Variants in PATJ observed in about 807,000 individuals in gnomAD.
PATJ encodes inaD-like protein.
In PATJ, 190 loss-of-function variants were observed where a neutral mutation model predicts 224.9. The ratio of observed to expected loss-of-function variants is 0.84; its 90% CI spans 0.75 to 0.95. The LOEUF (loss-of-function observed/expected upper bound fraction) is 0.95, where lower values mean the gene tolerates loss of function less well. Among genes scored for constraint, PATJ ranks in the 40% least tolerant of loss-of-function variants. The probability of loss-of-function intolerance (pLI) is 0.00; values close to 1 mark genes in which losing one functional copy is unlikely to be tolerated. For synonymous variants in PATJ, 769 were observed against 820.3 expected (o/e 0.94, Z 1.07); for missense variants, 2,121 against 2,270.3 (o/e 0.93, Z 1.34).
At chr1:61,947,482 A>C in intron 27 of PATJ, among the ~76,000 whole-genome samples, 1 of 152,216 alleles carries the variant, frequency 6.6e-6, no homozygotes, top group African/African-American at 2.4e-5. Context: ...AAAGAGAATA[A>C]AATACCTAGG....
At chr1:62,106,924 G>A (rs1450393375) in intron 33 of PATJ, among the ~76,000 whole-genome samples, 1 of 152,076 alleles carries the variant, frequency 6.6e-6, no homozygotes, top group African/African-American at 2.4e-5. Flanking sequence ...GTGCACTGGG[G>A]GCAAGGAATA....
chr1:61,803,304 A>C (rs1294018618), intron 12 of PATJ, among the ~76,000 whole-genome samples: 1 of 152,188 alleles, frequency 6.6e-6, no homozygotes, highest in Non-Finnish European at 1.5e-5. Flanking sequence ...AAGATAAAAC[A>C]TTCAATTTTT....
intron 33 of PATJ, among the ~76,000 whole-genome samples, chr1:62,098,251 CG>C (rs1370479807): frequency 6.6e-6 from 1 of 150,828 alleles, no homozygotes; most frequent in Non-Finnish European, 1.5e-5. Flanking sequence ...TCCAGCTACT[CG>C]GGAGGCTGAG....
intron 10 of PATJ, among the ~76,000 whole-genome samples, chr1:61,796,991 C>G (rs541022063): frequency 6.6e-6 from 1 of 152,012 alleles, no homozygotes; most frequent in South Asian, 2.1e-4. Flanking sequence ...CTCAGCCTCC[C>G]GAGTAGCTGG....
At chr1:61,877,506 A>C (rs942883339) in intron 21 of PATJ, among the ~76,000 whole-genome samples, 4 of 151,930 alleles carry the variant, frequency 2.6e-5, no homozygotes, top group Non-Finnish European at 5.9e-5. Flanking sequence ...TGATTTTATC[A>C]TGAGAGCAGA....
At chr1:61,817,733 G>A (rs939248101) in intron 14 of PATJ, among the ~76,000 whole-genome samples, 6 of 152,132 alleles carry the variant, frequency 3.9e-5, no homozygotes, top group Admixed American at 6.5e-5. Context: ...CTAATGGATC[G>A]TTTGTTTTGT....
intron 28 of PATJ, among the ~76,000 whole-genome samples, chr1:62,015,739 C>T (rs557783964): frequency 6.6e-6 from 1 of 152,096 alleles, no homozygotes; most frequent in South Asian, 2.1e-4. Context: ...TGTTTGGAGA[C>T]AGAGTCTCAG....
At chr1:62,064,950 G>A (rs1222561544) in intron 31 of PATJ, among the ~76,000 whole-genome samples, 1 of 152,198 alleles carries the variant, frequency 6.6e-6, no homozygotes, top group Non-Finnish European at 1.5e-5. Context: ...GCAAGAAAGT[G>A]TGACTGAGTC....
At position 61,962,535 on chromosome 1, in the gene PATJ, G is replaced by T. The variant is rs570128698; in HGVS notation, c.3671-27633G>T. 3.3e-5 allele frequency among the ~76,000 whole-genome samples: 5 copies of T among 152,314 alleles called. No homozygotes were observed. The South Asian group carries it at 1.0e-3, about 32-fold the overall frequency. On this transcript the variant is annotated intron_variant, in intron 27 of 43. Coordinates refer to ENST00000642238, the MANE Select transcript of PATJ (RefSeq NM_001350145.3). ...TAGATGTGTAGAGTAATTGGACTGG[G>T]TTTGTGGTGTGATGATGGAGGGTTT...
At chr1:61,996,290 C>T (rs1234296549) in intron 28 of PATJ, among the ~76,000 whole-genome samples, 1 of 152,064 alleles carries the variant, frequency 6.6e-6, no homozygotes, top group Non-Finnish European at 1.5e-5. Flanking sequence ...AATGACTGGC[C>T]CAGGTATACA....
In PATJ at chr1:62,050,990, A is replaced by G. The variant is rs777492662; in HGVS notation, c.4057A>G (p.Ser1353Gly). The G allele has an allele frequency of 8.7e-6, 14 of 1,613,866 alleles. No homozygotes were observed. Among genetic ancestry groups the G allele is most frequent in the Non-Finnish European group, 1.1e-5 (13 of 1,179,834 alleles). The change falls in exon 31 of 44, where the codon AGT becomes GGT. Residue 1353 changes from serine to glycine, a missense_variant. Ser to Gly is a moderately conservative substitution (Grantham distance 56). Coordinates refer to ENST00000642238, the MANE Select transcript of PATJ (RefSeq NM_001350145.3). ...GGATCAGAGCGGCACCGAACCTATT[A>G]GTAGTGAGGAAGATGGCAGCGTCGA... Reference protein sequence around the residue: ...IEDQSGTEPISSEEDGSVEVG... With the variant: ...IEDQSGTEPIGSEEDGSVEVG...
At chr1:61,792,711 G>C (rs994627151) in intron 9 of PATJ, among the ~76,000 whole-genome samples, 12 of 152,008 alleles carry the variant, frequency 7.9e-5, no homozygotes, top group African/African-American at 2.9e-4. Flanking sequence ...TGTATTTTTA[G>C]CTGAGACAGG....
chr1:61,777,722 T>TTTTTTA (rs1647006624), intron 7 of PATJ, among the ~76,000 whole-genome samples: 2 of 122,790 alleles, frequency 1.6e-5, no homozygotes, highest in Admixed American at 9.1e-5. Context: ...TTTTTTTTTT[T>TTTTTTA]TTTTTAGCAT....
At chr1:62,104,448 C>T (rs1662630063) in intron 33 of PATJ, among the ~76,000 whole-genome samples, 1 of 152,086 alleles carries the variant, frequency 6.6e-6, no homozygotes, top group South Asian at 2.1e-4. Context: ...TAATTTAGCT[C>T]TTGGTCCCCA....
intron 31 of PATJ, chr1:62,072,642 G>A (rs1439274209): frequency 6.7e-6 from 1 of 149,394 alleles, no homozygotes. Context: ...GCCCAGGTCA[G>A]AAACAGAGCA....
intron 23 of PATJ, among the ~76,000 whole-genome samples, chr1:61,899,917 T>C (rs1486781512): frequency 6.6e-6 from 1 of 152,256 alleles, no homozygotes; most frequent in East Asian, 1.9e-4. Flanking sequence ...GTATAGTTTA[T>C]CACTATGTCA....
At chr1:61,902,854 A>T (rs1030508411) in intron 24 of PATJ, among the ~76,000 whole-genome samples, 4 of 152,142 alleles carry the variant, frequency 2.6e-5, no homozygotes, top group Non-Finnish European at 4.4e-5. Context: ...AATTTTAATA[A>T]CTTTGTTATG....
chr1:62,159,679 G>A (rs1227721880), intron 43 of PATJ, among the ~76,000 whole-genome samples: 3 of 151,196 alleles, frequency 2.0e-5, no homozygotes, highest in East Asian at 2.0e-4. Context: ...TCAGCCTCCC[G>A]AGGAGCTGGG....
intron 22 of PATJ, among the ~76,000 whole-genome samples, chr1:61,898,815 C>T (rs72676241): frequency 0.022 from 3,352 of 152,272 alleles, 61 homozygotes; most frequent in Non-Finnish European, 0.033. Flanking sequence ...GAGACAGGGT[C>T]TTGCTTTGTC....
Sources: gnomAD v4.1 joint callset for allele counts (sites outside exome capture counted in the v4.1 genomes callset) on GRCh38, gnomAD v4.1.1 for gene constraint, MANE v1.5 for transcripts, NCBI Gene and HGNC (gene_info 2026-07-23, HGNC 2026-07-21) for gene names.